Variants in FMN1 observed in about 807,000 individuals in gnomAD.
FMN1 encodes formin 1, also known as formin-1.
Under a neutral mutation model 132.4 loss-of-function variants are expected in FMN1, and 110 were observed. The observed-to-expected ratio is 0.83, with a 90% CI of 0.71 to 0.97. FMN1 has a LOEUF of 0.97. Ranked by LOEUF, FMN1 falls within the 50% of genes least tolerant of loss-of-function variation. FMN1 has a pLI of 0.00. For synonymous variants in FMN1, 722 were observed against 651.7 expected (o/e 1.11, Z -1.64); for missense variants, 1,792 against 1,705.3 (o/e 1.05, Z -0.90).
intron 19 of FMN1, among the ~76,000 whole-genome samples, chr15:32,791,387 G>A (rs184015097): frequency 6.6e-6 from 1 of 150,604 alleles, no homozygotes; most frequent in Admixed American, 6.6e-5. Context: ...TTTCCTTCAG[G>A]GCTGTTGTGA....
intron 4 of FMN1, among the ~76,000 whole-genome samples, chr15:33,147,254 CA>C (rs1488815620): frequency 6.6e-6 from 1 of 151,964 alleles, no homozygotes; most frequent in Non-Finnish European, 1.5e-5. Context: ...ACTTGTAATC[CA>C]ATTACAACCC....
intron 7 of FMN1, among the ~76,000 whole-genome samples, chr15:32,989,334 T>C (rs1188895643): frequency 6.6e-6 from 1 of 152,198 alleles, no homozygotes; most frequent in Non-Finnish European, 1.5e-5. Flanking sequence ...CCTAAGTCAA[T>C]TCAAAATTTC....
At chr15:33,111,188 A>T (rs1019481094) in intron 4 of FMN1, among the ~76,000 whole-genome samples, 4 of 152,158 alleles carry the variant, frequency 2.6e-5, no homozygotes, top group Non-Finnish European at 5.9e-5. Flanking sequence ...TTTAAAATGT[A>T]CATTGTAAAA....
At chr15:32,827,846 GAA>G (rs1049599419) in intron 17 of FMN1, among the ~76,000 whole-genome samples, 1 of 121,260 alleles carries the variant, frequency 8.2e-6, no homozygotes. Context: ...TCCGTCTCAA[GAA>G]AAAAAAAAAA....
Position 32,968,913 on chromosome 15 carries a change from G to A in FMN1, c.2788C>T (p.Leu930Phe). 1.4e-6 allele frequency: 1 copy of A among 725,958 alleles called. No homozygotes were observed. The highest frequency in any genetic ancestry group is 1.9e-5 in the South Asian group (1 of 53,232). 45.0% of individuals were successfully genotyped at this position (725,958 alleles called of 1,614,324 possible). Residue 930 changes from leucine to phenylalanine, a missense_variant, in exon 8 of 21, where the codon CTT (leucine) becomes TTT (phenylalanine). Physicochemically the swap from Leu to Phe is conservative, Grantham distance 22. Coordinates refer to ENST00000616417, the MANE Select transcript of FMN1 (RefSeq NM_001277313.2). ...GPPPPPPPPP[L>F]PNSPAPPNPG... ...TTGGGTGGGGCAGGGGAGTTAGGAAGTGGGGGTGGGGGTGGGGGTGGTGGA... is the reference window on the plus strand; with the variant it reads ...TTGGGTGGGGCAGGGGAGTTAGGAAATGGGGGTGGGGGTGGGGGTGGTGGA...
At chr15:32,879,599 C>A (rs1052282382) in intron 16 of FMN1, among the ~76,000 whole-genome samples, 5 of 152,184 alleles carry the variant, frequency 3.3e-5, no homozygotes, top group African/African-American at 1.2e-4. Context: ...CTTCCTCAGG[C>A]ATCGCCTCAT....
At chr15:33,063,349 GC>G (rs2037570738) in intron 6 of FMN1, 1 of 152,344 alleles carries the variant, frequency 6.6e-6, no homozygotes, top group Non-Finnish European at 1.5e-5. Context: ...CCTGCTGAGG[GC>G]TGCGGGTCCT....
At chr15:33,119,591 T>C (rs567412506) in intron 4 of FMN1, among the ~76,000 whole-genome samples, 1 of 152,334 alleles carries the variant, frequency 6.6e-6, no homozygotes, top group African/African-American at 2.4e-5. Context: ...ACCAGCACTA[T>C]TCTTGAAGAG....
chr15:33,048,631 CAA>C (rs768997793), intron 6 of FMN1, among the ~76,000 whole-genome samples: 20,758 of 43,436 alleles, frequency 0.48, 3,851 homozygotes, highest in Middle Eastern at 0.56. Context: ...GGCAATTTAC[CAA>C]AAAAAAAAAA....
At chr15:32,880,052 GTTTT>G (rs35012329) in intron 16 of FMN1, among the ~76,000 whole-genome samples, 1 of 148,682 alleles carries the variant, frequency 6.7e-6, no homozygotes, top group Non-Finnish European at 1.5e-5. Flanking sequence ...AGCTTCTATT[GTTTT>G]TTTTTTATTT....
chr15:32,974,123 T>C (rs1476025371), intron 7 of FMN1, among the ~76,000 whole-genome samples: 3 of 152,220 alleles, frequency 2.0e-5, no homozygotes, highest in Admixed American at 6.5e-5. Context: ...TACTTATACA[T>C]TGAACATGTG....
intron 19 of FMN1, among the ~76,000 whole-genome samples, chr15:32,798,216 A>ACACACACACAC (rs1286307994): frequency 2.1e-5 from 3 of 140,874 alleles, no homozygotes; most frequent in African/African-American, 7.8e-5. Context: ...ACACACACAC[A>ACACACACACAC]CCCCGTCTAT....
At chr15:33,151,052 G>C (rs1313099131) in intron 4 of FMN1, 2 of 1,215,840 alleles carry the variant, frequency 1.6e-6, no homozygotes, top group East Asian at 6.6e-5. Context: ...AGTCACTGAA[G>C]GGTTCAGAAT....
At chr15:32,831,210 C>T (rs978853648) in intron 17 of FMN1, among the ~76,000 whole-genome samples, 3 of 151,666 alleles carry the variant, frequency 2.0e-5, no homozygotes, top group African/African-American at 7.3e-5. Context: ...TAAATGTTAG[C>T]TAATATTATT....
intron 17 of FMN1, among the ~76,000 whole-genome samples, chr15:32,852,817 T>C (rs1419427982): frequency 6.6e-6 from 1 of 152,218 alleles, no homozygotes; most frequent in Non-Finnish European, 1.5e-5. Context: ...TACACATTAT[T>C]TTTCAATATT....
chr15:33,100,816 CAG>C (rs1405690084), intron 4 of FMN1, among the ~76,000 whole-genome samples: 1 of 151,958 alleles, frequency 6.6e-6, no homozygotes, highest in Non-Finnish European at 1.5e-5. Context: ...TAATCTATGA[CAG>C]AAAAAAGTGG....
intron 3 of FMN1, among the ~76,000 whole-genome samples, chr15:33,157,390 C>T (rs1296193469): frequency 6.6e-6 from 1 of 152,044 alleles, no homozygotes; most frequent in Non-Finnish European, 1.5e-5. Flanking sequence ...CACATATACA[C>T]TTATATTTTC....
intron 4 of FMN1, among the ~76,000 whole-genome samples, chr15:33,138,829 G>C (rs1042222086): frequency 1.3e-5 from 2 of 152,134 alleles, no homozygotes; most frequent in Non-Finnish European, 2.9e-5. Context: ...CAGAGGCTAG[G>C]AGCAGCATCC....
At chr15:33,084,755 TAGTAACTAAA>T (rs1372082130) in intron 5 of FMN1, among the ~76,000 whole-genome samples, 1 of 152,148 alleles carries the variant, frequency 6.6e-6, no homozygotes, top group Non-Finnish European at 1.5e-5. Context: ...TCTCATAGTT[TAGTAACTAAA>T]AGATGAATGC....
Sources: allele counts gnomAD v4.1 joint callset (sites outside exome capture counted in the v4.1 genomes callset), GRCh38; gene constraint gnomAD v4.1.1; transcripts MANE v1.5; gene names NCBI Gene and HGNC (gene_info 2026-07-23, HGNC 2026-07-21).